RABGAP1L: variants seen among roughly 807,000 people sequenced by gnomAD.
RABGAP1L encodes the protein rab GTPase-activating protein 1-like.
A neutral mutation model predicts 137.7 loss-of-function variants in RABGAP1L; 63 were observed. The ratio of observed to expected loss-of-function variants is 0.46; its 90% CI spans 0.37 to 0.56. The LOEUF (loss-of-function observed/expected upper bound fraction) is 0.56. RABGAP1L is among the 20% of genes least tolerant of loss of function. The pLI is 0.00. For synonymous variants in RABGAP1L, 431 were observed against 433.7 expected (o/e 0.99, Z 0.08); for missense variants, 1,095 against 1,244.0 (o/e 0.88, Z 1.80).
In RABGAP1L at chr1:174,669,905, A is replaced by T. The variant is rs117694376; in HGVS notation, c.1825-13617A>T. ...AGCTTTGTAGTGTATTTTGAAGCCAAGTCATGTGATGCTTCCAGCTTTGTT... is the reference window on the plus strand; with the variant it reads ...AGCTTTGTAGTGTATTTTGAAGCCATGTCATGTGATGCTTCCAGCTTTGTT... On this transcript the variant is annotated intron_variant, in intron 14 of 25. Coordinates refer to ENST00000681986, the MANE Select transcript of RABGAP1L (RefSeq NM_001366446.1). 7.8e-4 allele frequency among the ~76,000 whole-genome samples: 118 copies of T among 152,242 alleles called. 2 individuals are homozygous for T. The East Asian group carries it at 0.021, about 27-fold the overall frequency.
At chr1:174,881,312 T>C (rs1348032457) in intron 19 of RABGAP1L, among the ~76,000 whole-genome samples, 3 of 152,034 alleles carry the variant, frequency 2.0e-5, no homozygotes, top group Non-Finnish European at 4.4e-5. Context: ...AAACACATAA[T>C]ATTGTTTTAT....
intron 11 of RABGAP1L, among the ~76,000 whole-genome samples, chr1:174,308,619 T>C (rs1210133928): frequency 1.3e-5 from 2 of 152,116 alleles, no homozygotes; most frequent in Non-Finnish European, 2.9e-5. Context: ...TCCAAAACCA[T>C]TTATTTGAAG....
intron 11 of RABGAP1L, among the ~76,000 whole-genome samples, chr1:174,328,633 A>G (rs1680757132): frequency 6.6e-6 from 1 of 152,004 alleles, no homozygotes; most frequent in Non-Finnish European, 1.5e-5. Flanking sequence ...AGCTGGGTGT[A>G]GTGGCAAGCA....
chr1:174,223,264 TAAAAAAAAAAAA>T (rs550034492), intron 3 of RABGAP1L, among the ~76,000 whole-genome samples: 10 of 39,848 alleles, frequency 2.5e-4, no homozygotes, highest in African/African-American at 3.6e-4. Flanking sequence ...AGACTCTGTC[TAAAAAAAAAAAA>T]AAAAAAAAAA....
At chr1:174,373,024 A>G (rs867986180) in intron 12 of RABGAP1L, among the ~76,000 whole-genome samples, 1 of 152,194 alleles carries the variant, frequency 6.6e-6, no homozygotes, top group Non-Finnish European at 1.5e-5. Flanking sequence ...AATCTTACAC[A>G]ATTTTACCCC....
intron 11 of RABGAP1L, chr1:174,367,628 A>G: frequency 3.7e-6 from 1 of 269,426 alleles, no homozygotes; most frequent in Non-Finnish European, 7.3e-6. Context: ...TTGTTTCAGA[A>G]GGCTTGCCTT....
At chr1:174,636,115 C>T (rs1211929976) in intron 13 of RABGAP1L, among the ~76,000 whole-genome samples, 2 of 152,084 alleles carry the variant, frequency 1.3e-5, no homozygotes, top group Non-Finnish European at 1.5e-5. Flanking sequence ...AAAAGATAAA[C>T]ATTTCTAGGA....
chr1:174,433,740 A>G (rs938214067), intron 13 of RABGAP1L, among the ~76,000 whole-genome samples: 4 of 152,132 alleles, frequency 2.6e-5, no homozygotes. Flanking sequence ...ACATTTTAGT[A>G]GCTCTCATTC....
chr1:174,330,400 G>A (rs574009975), intron 11 of RABGAP1L, among the ~76,000 whole-genome samples: 25 of 152,118 alleles, frequency 1.6e-4, no homozygotes, highest in African/African-American at 5.5e-4. Context: ...GGCAACATTG[G>A]GAGACGTTGT....
At position 174,276,397 on chromosome 1, in the gene RABGAP1L, T is replaced by A. The variant is rs568706104; in HGVS notation, c.1156+462T>A. 2.0e-5 allele frequency among the ~76,000 whole-genome samples: 3 copies of A among 152,220 alleles called. No individual in the cohort carries two copies. In the East Asian group the frequency reaches 5.8e-4, roughly 29 times the overall value. On this transcript the variant is annotated intron_variant, in intron 9 of 25. Coordinates refer to ENST00000681986, the MANE Select transcript of RABGAP1L (RefSeq NM_001366446.1). ...AACCTTTGACCTCAACTGATCTTCT[T>A]GCCTTCCAAAGCACTGGGATTACAG...
At chr1:174,318,578 T>G (rs149396937) in intron 11 of RABGAP1L, among the ~76,000 whole-genome samples, 1,504 of 148,802 alleles carry the variant, frequency 0.01, 19 homozygotes, top group Non-Finnish European at 0.016. Context: ...ATTTGGTGAT[T>G]GTTTTCTTTC....
At chr1:174,969,237 C>A in intron 20 of RABGAP1L, 40 bp from the exon 21 acceptor site, 1 of 1,439,636 alleles carries the variant, frequency 6.9e-7, no homozygotes, top group Non-Finnish European at 9.6e-7. Context: ...TCTGTATGTC[C>A]AGACACTAAT....
chr1:174,888,642 T>G (rs760462710), intron 19 of RABGAP1L, among the ~76,000 whole-genome samples: 14 of 152,026 alleles, frequency 9.2e-5, no homozygotes, highest in Non-Finnish European at 1.6e-4. Flanking sequence ...ATTACAGGTG[T>G]GCACCACCAC....
chr1:174,796,111 G>C (rs1403551114), intron 18 of RABGAP1L, among the ~76,000 whole-genome samples: 1 of 152,188 alleles, frequency 6.6e-6, no homozygotes, highest in Non-Finnish European at 1.5e-5. Flanking sequence ...TTATTAACTA[G>C]TTAAATCGGA....
intron 1 of RABGAP1L, among the ~76,000 whole-genome samples, chr1:174,208,182 A>G (rs1390699579): frequency 2.0e-5 from 3 of 151,936 alleles, no homozygotes; most frequent in South Asian, 2.1e-4. Context: ...CCTATTGTCC[A>G]TTGTATGTAG....
intron 13 of RABGAP1L, among the ~76,000 whole-genome samples, chr1:174,472,890 C>T (rs1658097273): frequency 6.6e-6 from 1 of 152,204 alleles, no homozygotes; most frequent in Non-Finnish European, 1.5e-5. Flanking sequence ...GCCAGCCTTT[C>T]AAGCATTTCA....
chr1:174,708,296 C>A (rs1680201441), intron 17 of RABGAP1L, among the ~76,000 whole-genome samples: 1 of 152,146 alleles, frequency 6.6e-6, no homozygotes, highest in Admixed American at 6.5e-5. Context: ...CCACAAAAAA[C>A]TCATCAGAAT....
intron 19 of RABGAP1L, among the ~76,000 whole-genome samples, chr1:174,832,031 G>T (rs1335187049): frequency 6.8e-6 from 1 of 148,044 alleles, no homozygotes; most frequent in African/African-American, 2.5e-5. Context: ...GGTGGTTCAT[G>T]CCTATAATCC....
intron 13 of RABGAP1L, among the ~76,000 whole-genome samples, chr1:174,565,649 C>T (rs553301948): frequency 2.0e-4 from 30 of 152,240 alleles, no homozygotes; most frequent in Middle Eastern, 3.4e-3. Context: ...TTTCCTAGCA[C>T]ATCTGAAGTT....
Sources: gnomAD v4.1 joint callset for allele counts (sites outside exome capture counted in the v4.1 genomes callset) on GRCh38, gnomAD v4.1.1 for gene constraint, MANE v1.5 for transcripts, NCBI Gene and HGNC (gene_info 2026-07-23, HGNC 2026-07-21) for gene names.